PRELID2: variants seen among roughly 807,000 people sequenced by gnomAD.
PRELID2 encodes PRELI domain-containing protein 2.
A neutral mutation model predicts 28.4 loss-of-function variants in PRELID2; 25 were observed. That is an observed-to-expected ratio of 0.88 (90% confidence interval 0.64 to 1.23). The LOEUF (loss-of-function observed/expected upper bound fraction) is 1.23, where lower values mean the gene tolerates loss of function less well. Among genes scored for constraint, PRELID2 ranks in the 50% most tolerant of loss-of-function variants. The pLI, the probability that PRELID2 is intolerant of heterozygous loss-of-function variation, is 0.00. For missense variants in PRELID2, 201 were observed against 214.4 expected, an observed-to-expected ratio of 0.94 and a Z score of 0.39; for synonymous variants, 76 against 71.6, an observed-to-expected ratio of 1.06 and a Z score of -0.31.
chr5:145,601,632 T>A (rs1312587026), intron 1 of PRELID2, among the ~76,000 whole-genome samples: 6 of 152,152 alleles, frequency 3.9e-5, no homozygotes, highest in African/African-American at 7.2e-5. Flanking sequence ...TGAACTGTGA[T>A]CCAAAATAAG....
intron 1 of PRELID2, among the ~76,000 whole-genome samples, chr5:145,575,415 T>C (rs925261961): frequency 1.3e-5 from 2 of 152,198 alleles, no homozygotes; most frequent in Non-Finnish European, 2.9e-5. Flanking sequence ...TTAGATTATG[T>C]GCAGGACACC....
chr5:145,652,978 C>A (rs1232751935), intron 1 of PRELID2, among the ~76,000 whole-genome samples: 6 of 152,058 alleles, frequency 3.9e-5, no homozygotes, highest in Admixed American at 2.0e-4. Flanking sequence ...GAGTCAAGAC[C>A]CATCAGTGTG....
At chr5:145,361,237 A>C in the PRELID2 span, among the ~76,000 whole-genome samples, 5 of 152,220 alleles carry the variant, frequency 3.3e-5, no homozygotes, top group Non-Finnish European at 5.9e-5. Flanking sequence ...TTTTCTGAGA[A>C]GGAGGCATTA....
intron 1 of PRELID2, among the ~76,000 whole-genome samples, chr5:145,617,170 A>G (rs920796274): frequency 2.6e-5 from 4 of 152,156 alleles, no homozygotes; most frequent in Non-Finnish European, 5.9e-5. Context: ...TTGTTCAAAC[A>G]CACATGCTCT....
chr5:145,423,437 T>G, the PRELID2 span, among the ~76,000 whole-genome samples: 1 of 152,152 alleles, frequency 6.6e-6, no homozygotes, highest in Admixed American at 6.6e-5. Flanking sequence ...GCTCATTTCT[T>G]TTTATTCTTT....
chr5:145,380,920 A>C, the PRELID2 span, among the ~76,000 whole-genome samples: 2 of 152,228 alleles, frequency 1.3e-5, no homozygotes, highest in Non-Finnish European at 2.9e-5. Flanking sequence ...CACAGGTTTT[A>C]TGCATGTTCT....
At chr5:145,372,001 T>A in the PRELID2 span, among the ~76,000 whole-genome samples, 23 of 152,152 alleles carry the variant, frequency 1.5e-4, no homozygotes, top group East Asian at 4.1e-3. Context: ...TTGGGATTAG[T>A]TTGTTCTTGC....
At chr5:145,647,063 G>A (rs375418288) in intron 1 of PRELID2, among the ~76,000 whole-genome samples, 1 of 152,226 alleles carries the variant, frequency 6.6e-6, no homozygotes, top group Non-Finnish European at 1.5e-5. Context: ...GAGGTCCACT[G>A]CTCTCTTCAG....
At chr5:145,253,993 G>T in the PRELID2 span, among the ~76,000 whole-genome samples, 7 of 152,094 alleles carry the variant, frequency 4.6e-5, no homozygotes, top group East Asian at 1.4e-3. Context: ...TATGATTATT[G>T]TAAGGATTCA....
chr5:145,427,106 T>C, the PRELID2 span, among the ~76,000 whole-genome samples: 1 of 152,234 alleles, frequency 6.6e-6, no homozygotes, highest in Admixed American at 6.5e-5. Context: ...AATTTACAAA[T>C]ATCATCCTGT....
the PRELID2 span, among the ~76,000 whole-genome samples, chr5:145,339,370 G>T: frequency 6.6e-6 from 1 of 152,166 alleles, no homozygotes; most frequent in Non-Finnish European, 1.5e-5. Flanking sequence ...GGTAAGAGAG[G>T]AATATCCAGG....
At chr5:145,491,993 G>T (rs1356287205) in intron 1 of PRELID2, among the ~76,000 whole-genome samples, 1 of 152,112 alleles carries the variant, frequency 6.6e-6, no homozygotes, top group East Asian at 1.9e-4. Flanking sequence ...GAATAGTGCT[G>T]TAATGAACAT....
At chr5:145,293,297 G>T in the PRELID2 span, among the ~76,000 whole-genome samples, 1 of 152,044 alleles carries the variant, frequency 6.6e-6, no homozygotes, top group Non-Finnish European at 1.5e-5. Context: ...GGGATTAGAA[G>T]AACAAACAAA....
chr5:145,249,266 C>G, the PRELID2 span, among the ~76,000 whole-genome samples: 5 of 152,130 alleles, frequency 3.3e-5, no homozygotes, highest in Admixed American at 6.6e-5. Flanking sequence ...TAGTCAATAA[C>G]TATTTTGCTG....
At chr5:145,377,732 ATG>A in the PRELID2 span, among the ~76,000 whole-genome samples, 1 of 152,052 alleles carries the variant, frequency 6.6e-6, no homozygotes, top group East Asian at 1.9e-4. Context: ...TTTTGAGCCC[ATG>A]TGTGTCATTT....
the PRELID2 span, among the ~76,000 whole-genome samples, chr5:145,350,537 C>T: frequency 4.6e-5 from 7 of 152,282 alleles, no homozygotes; most frequent in East Asian, 3.9e-4. Context: ...AGCCCATCCA[C>T]GGAGACTGGA....
chr5:145,274,829 A>G, the PRELID2 span, among the ~76,000 whole-genome samples: 27 of 152,126 alleles, frequency 1.8e-4, no homozygotes, highest in Admixed American at 2.6e-4. Context: ...GCTGGAGCTG[A>G]CATAACAAAC....
the PRELID2 span, among the ~76,000 whole-genome samples, chr5:145,386,333 A>T: frequency 2.0e-5 from 3 of 152,114 alleles, no homozygotes; most frequent in Non-Finnish European, 4.4e-5. Context: ...CAGGTGGATT[A>T]TGAGAACCAC....
At chr5:145,489,675 C>T (rs1191120542) in intron 1 of PRELID2, among the ~76,000 whole-genome samples, 1 of 152,172 alleles carries the variant, frequency 6.6e-6, no homozygotes, top group East Asian at 1.9e-4. Context: ...ACAAAATCAC[C>T]TGTACCTTCA....
Sources: allele counts gnomAD v4.1 joint callset (sites outside exome capture counted in the v4.1 genomes callset), GRCh38; gene constraint gnomAD v4.1.1; transcripts MANE v1.5; gene names NCBI Gene and HGNC (gene_info 2026-07-23, HGNC 2026-07-21).